TGS1: variants seen among roughly 807,000 people sequenced by gnomAD.
TGS1 encodes the protein trimethylguanosine synthase.
TGS1 carries 69 observed loss-of-function variants against 92.2 expected under a neutral mutation model. That is an observed-to-expected ratio of 0.75 (90% confidence interval 0.62 to 0.91). TGS1 has a LOEUF of 0.91. TGS1 is among the 40% of genes least tolerant of loss of function. The pLI is 0.00. For synonymous variants in TGS1, 345 were observed against 338.1 expected, an observed-to-expected ratio of 1.02 and a Z score of -0.22; for missense variants, 1,062 against 1,001.2, an observed-to-expected ratio of 1.06 and a Z score of -0.82.
At chr8:55,819,288 A>ATTTTTTT (rs201975270) in intron 12 of TGS1, among the ~76,000 whole-genome samples, 1 of 74,974 alleles carries the variant, frequency 1.3e-5, no homozygotes, top group Non-Finnish European at 2.4e-5. Flanking sequence ...TGCCTGGGAG[A>ATTTTTTT]TTTTTTTTTT....
intron 6 of TGS1, among the ~76,000 whole-genome samples, chr8:55,795,146 A>G (rs909282718): frequency 6.6e-6 from 1 of 152,220 alleles, no homozygotes; most frequent in African/African-American, 2.4e-5. Context: ...TACTATGCAC[A>G]TGTAATTTTA....
chr8:55,775,168 C>T (rs1811355353), intron 1 of TGS1, among the ~76,000 whole-genome samples: 1 of 151,480 alleles, frequency 6.6e-6, no homozygotes, highest in Admixed American at 6.6e-5. Flanking sequence ...GCCAGATGCT[C>T]TCTTGAGCCC....
At chr8:55,803,682 TTTTTC>T (rs1362294172) in intron 9 of TGS1, among the ~76,000 whole-genome samples, 1 of 150,388 alleles carries the variant, frequency 6.6e-6, no homozygotes, top group Non-Finnish European at 1.5e-5. Flanking sequence ...TTCTTTTTAT[TTTTTC>T]TTTTCTTTTT....
rs777124263 is a variant in TGS1, at chr8:55,799,077, A to G, written c.1706A>G (p.Glu569Gly). The G allele has an allele frequency of 6.2e-7, 1 of 1,614,200 alleles. No individual in the cohort carries two copies. Among genetic ancestry groups the G allele is most frequent in the South Asian group, 1.1e-5 (1 of 91,082 alleles). Reference sequence around the variant, plus strand: ...GACCTACTGGAGACTAATAATCCAGAACCTGAAAAGTGTCAGAGCGTATCT... The same window carrying G: ...GACCTACTGGAGACTAATAATCCAGGACCTGAAAAGTGTCAGAGCGTATCT... ...GDDLLETNNP[E>G]PEKCQSVSSA... Residue 569 changes from glutamate (E) to glycine (G), a missense_variant, in exon 8 of 13, where the codon GAA (glutamate) becomes GGA (glycine). Glu to Gly is a moderately conservative substitution (Grantham distance 98). Transcript: ENST00000260129.
chr8:55,812,947 T>C lies in TGS1; in HGVS notation c.2361-93T>C. 5.2e-6 allele frequency: 5 copies of C among 954,746 alleles called. No individual in the cohort carries two copies. In the South Asian group the frequency reaches 7.4e-5, roughly 14 times the overall value. 59.1% of individuals were successfully genotyped at this position (954,746 alleles called of 1,614,324 possible). On this transcript the variant is annotated intron_variant, in intron 11 of 12. Coordinates refer to ENST00000260129, the MANE Select transcript of TGS1 (RefSeq NM_024831.8). Reference sequence around the variant, plus strand: ...AAGTTTTTGCCTTTTAGTTACATTTTGAAATACATTTGAGTTATGATAAGT... The same window carrying C: ...AAGTTTTTGCCTTTTAGTTACATTTCGAAATACATTTGAGTTATGATAAGT...
In TGS1 at chr8:55,804,961, A is replaced by C. The variant is rs370335855; in HGVS notation, c.2068A>C (p.Lys690Gln). The C allele has an allele frequency of 6.2e-7, 1 of 1,613,964 alleles. No individual in the cohort carries two copies. The highest frequency in any genetic ancestry group is 1.3e-5 in the African/African-American group (1 of 74,908). The change falls in exon 10 of 13, where the codon AAG (lysine) becomes CAG (glutamine). Residue 690 changes from lysine to glutamine, a missense_variant. By Grantham distance (53) the Lys-to-Gln change is moderately conservative. Transcript: ENST00000260129. The stretch of plus-strand genomic sequence containing the variant: ...TGCTGGCCGTGTTAGTCAGTCCTTC[A>C]AGTGTGACGTTGTAGTAGACGCATT... ...HIAGRVSQSF[K>Q]CDVVVDAFCG...
intron 10 of TGS1, among the ~76,000 whole-genome samples, chr8:55,806,356 C>CAAAAAAAA (rs1047234489): frequency 2.1e-4 from 8 of 38,796 alleles, no homozygotes; most frequent in Admixed American, 3.0e-4. Flanking sequence ...GACTCCACCT[C>CAAAAAAAA]AAAAAAAAAA....
chr8:55,788,490 C>CT (rs1811783144), intron 4 of TGS1, among the ~76,000 whole-genome samples: 1 of 124,758 alleles, frequency 8.0e-6, no homozygotes, highest in African/African-American at 3.1e-5. Flanking sequence ...GAGTCTCACT[C>CT]TGTCACCCAA....
chr8:55,824,074 C>G (rs764412502), intron 12 of TGS1, among the ~76,000 whole-genome samples: 33 of 151,968 alleles, frequency 2.2e-4, no homozygotes, highest in Non-Finnish European at 4.1e-4. Flanking sequence ...CGAGATCGTG[C>G]CACTGAACTG....
chr8:55,787,435 T>C (rs1387940930), intron 4 of TGS1, among the ~76,000 whole-genome samples: 6 of 152,216 alleles, frequency 3.9e-5, no homozygotes, highest in African/African-American at 9.6e-5. Context: ...AAATGTCTTA[T>C]GAGTCATATG....
At chr8:55,822,168 C>G (rs1803661666) in intron 12 of TGS1, among the ~76,000 whole-genome samples, 1 of 151,406 alleles carries the variant, frequency 6.6e-6, no homozygotes, top group Non-Finnish European at 1.5e-5. Flanking sequence ...CTCCTGAATT[C>G]ACGCCATTCT....
chr8:55,824,636 AC>A lies in TGS1; in HGVS notation c.2496del (p.Asn832LysfsTer4), dbSNP rs775127430. On this transcript the variant is annotated frameshift_variant, in exon 13 of 13. Transcript: ENST00000260129. LOFTEE classifies it high-confidence loss of function. ...GTGGAAATAGAACAGAACTTCCTTA[AC>A]AACAAATTGAAGACAATCACTGCAT... ...GQVEIEQNFLNNKLKTITAYF... is the reference protein window; with the variant it reads ...GQVEIEQNFLXNKLKTITAYF... 1.9e-6 allele frequency: 3 copies of A among 1,614,220 alleles called. No individual in the cohort carries two copies. Among genetic ancestry groups the A allele is most frequent in the Non-Finnish European group, 2.5e-6 (3 of 1,180,022 alleles).
intron 9 of TGS1, among the ~76,000 whole-genome samples, chr8:55,803,230 T>C (rs1448129995): frequency 6.6e-6 from 1 of 152,160 alleles, no homozygotes; most frequent in South Asian, 2.1e-4. Context: ...GATAAATTAT[T>C]AAACAGAAAA....
chr8:55,778,099 C>T (rs1199728602), intron 1 of TGS1, among the ~76,000 whole-genome samples: 1 of 151,970 alleles, frequency 6.6e-6, no homozygotes, highest in Non-Finnish European at 1.5e-5. Context: ...TGGCGAAACC[C>T]CATCTCTACT....
intron 12 of TGS1, among the ~76,000 whole-genome samples, chr8:55,820,027 G>A (rs747805453): frequency 1.2e-4 from 19 of 152,054 alleles, no homozygotes; most frequent in Admixed American, 2.0e-4. Context: ...ATTTTTACCT[G>A]GTACAATTAT....
At chr8:55,782,974 T>C (rs772334949) in intron 2 of TGS1, among the ~76,000 whole-genome samples, 162 bp downstream of exon 2, 1 of 152,222 alleles carries the variant, frequency 6.6e-6, no homozygotes, top group Admixed American at 6.5e-5. Flanking sequence ...TATAACATGG[T>C]TCTGGAATCT....
intron 12 of TGS1, among the ~76,000 whole-genome samples, chr8:55,816,898 T>C (rs1482759708): frequency 6.6e-6 from 1 of 152,092 alleles, no homozygotes; most frequent in African/African-American, 2.4e-5. Context: ...TCTTGCTCTG[T>C]TGCCCAGGCC....
At chr8:55,775,800 G>A (rs531852430) in intron 1 of TGS1, among the ~76,000 whole-genome samples, 1 of 152,074 alleles carries the variant, frequency 6.6e-6, no homozygotes, top group East Asian at 1.9e-4. Flanking sequence ...ATGAATGAAG[G>A]GTGGGGGAGG....
intron 12 of TGS1, among the ~76,000 whole-genome samples, chr8:55,818,897 T>C (rs538885066): frequency 2.6e-5 from 4 of 152,344 alleles, no homozygotes; most frequent in Admixed American, 2.6e-4. Context: ...GTTCTGAGAA[T>C]GAGTGAAGGA....
Sources: allele counts gnomAD v4.1 joint callset (sites outside exome capture counted in the v4.1 genomes callset), GRCh38; gene constraint gnomAD v4.1.1; transcripts MANE v1.5; gene names NCBI Gene and HGNC (gene_info 2026-07-23, HGNC 2026-07-21).